The following IL17RA variants were observed in gnomAD, a reference collection of about 807,000 sequenced individuals.
The protein encoded by IL17RA is interleukin 17 receptor A.
In IL17RA, 34 loss-of-function variants were observed where a neutral mutation model predicts 50.4. The ratio of observed to expected loss-of-function variants is 0.67; its 90% confidence interval spans 0.51 to 0.90. The LOEUF (loss-of-function observed/expected upper bound fraction) is 0.90, where lower values mean the gene tolerates loss of function less well. Ranked by LOEUF, IL17RA falls within the 40% of genes least tolerant of loss-of-function variation. The probability of loss-of-function intolerance (pLI) is 0.00; values close to 1 mark genes in which losing one functional copy is unlikely to be tolerated. For synonymous variants in IL17RA, 585 were observed against 510.4 expected, an observed-to-expected ratio of 1.15 and a Z score of -1.97; for missense variants, 1,276 against 1,169.8, an observed-to-expected ratio of 1.09 and a Z score of -1.32.
At position 17,115,468 on chromosome 22, in the gene IL17RA, C is replaced by G. The variant is rs892645139; in HGVS notation, c.*5648C>G. On this transcript the variant is annotated 3_prime_UTR_variant, in exon 13 of 13. Transcript: ENST00000319363. ...GCTCCCAGGAGCTTCCACTCTCAGACCTTGCCTCCCGGGCTGCCCTGAGTG... is the reference window on the plus strand; with the variant it reads ...GCTCCCAGGAGCTTCCACTCTCAGAGCTTGCCTCCCGGGCTGCCCTGAGTG... The G allele has an allele frequency of 5.3e-5, 8 of 152,252 alleles. No individual in the cohort carries two copies. Among genetic ancestry groups the G allele is most frequent in the African/African-American group, 1.2e-4 (5 of 41,470 alleles). The allele number at this position is 152,252 out of a possible 1,614,324, so 9.4% of individuals were successfully genotyped here. A position where few individuals can be genotyped will look rare whatever the true frequency, so the allele number is the denominator to read the frequency against.
intron 1 of IL17RA, among the ~76,000 whole-genome samples, chr22:17,088,275 G>C (rs1036902721): frequency 1.3e-5 from 2 of 152,172 alleles, no homozygotes; most frequent in Non-Finnish European, 2.9e-5. Context: ...CCTTCACCTT[G>C]TGGGTAGAGA....
intron 12 of IL17RA, 48 bp downstream of exon 12, chr22:17,107,816 G>A (rs1157185743): frequency 6.5e-7 from 1 of 1,540,416 alleles, no homozygotes; most frequent in Non-Finnish European, 9.0e-7. Context: ...AAGCAGTGGA[G>A]GGTTCTCCTG....
At chr22:17,094,925 G>T (rs1161309888) in intron 1 of IL17RA, among the ~76,000 whole-genome samples, 1 of 151,038 alleles carries the variant, frequency 6.6e-6, no homozygotes, top group Non-Finnish European at 1.5e-5. Context: ...TAGTTTGATG[G>T]ACATTTAGAT....
rs535114901 is a variant in IL17RA at position 17,100,188 on chromosome 22, A to G, written c.424-167A>G. On this transcript the variant is annotated intron_variant, in intron 4 of 12. Transcript: ENST00000319363. ...AGGCAGAAAGGACCAGAGGAAACAAAAAACAAAGATACTGATTTCCCTGAC... is the reference window on the plus strand; with the variant it reads ...AGGCAGAAAGGACCAGAGGAAACAAGAAACAAAGATACTGATTTCCCTGAC... Among the ~76,000 whole-genome samples, 6 of 151,886 alleles carry G rather than the reference A, an allele frequency of 4.0e-5. No individual in the cohort carries two copies. In the South Asian group the frequency reaches 6.3e-4, roughly 16 times the overall value.
At position 17,112,448 on chromosome 22, in the gene IL17RA, C is replaced by T. The variant is rs1038198029; in HGVS notation, c.*2628C>T. Reference sequence around the variant, plus strand: ...CAGCCCCCCTTAGTCACCACCCCAACCTCCCCATCCCTAGGCACCCCTAGG... The same window carrying T: ...CAGCCCCCCTTAGTCACCACCCCAATCTCCCCATCCCTAGGCACCCCTAGG... On this transcript the variant is annotated 3_prime_UTR_variant, in exon 13 of 13. Transcript: ENST00000319363. 3.3e-5 allele frequency: 5 copies of T among 151,756 alleles called. No individual in the cohort carries two copies. The highest frequency in any genetic ancestry group is 7.4e-5 in the Non-Finnish European group (5 of 68,004). The allele number at this position is 151,756 out of a possible 1,614,324, so 9.4% of individuals were successfully genotyped here.
chr22:17,098,096 C>T (rs2061374880), intron 3 of IL17RA, among the ~76,000 whole-genome samples, 153 bp downstream of exon 3: 1 of 152,200 alleles, frequency 6.6e-6, no homozygotes, highest in African/African-American at 2.4e-5. Context: ...CAGTCAAATA[C>T]TTGTTCAGCA....
chr22:17,102,093 G>A (rs1465844932), intron 6 of IL17RA, 46 bp from the exon 7 acceptor site: 8 of 1,614,114 alleles, frequency 5.0e-6, no homozygotes, highest in Non-Finnish European at 5.9e-6. Context: ...ACATGCACAT[G>A]TGCGTGCCCC....
At chr22:17,091,330 T>A (rs1042562123) in intron 1 of IL17RA, among the ~76,000 whole-genome samples, 1 of 152,204 alleles carries the variant, frequency 6.6e-6, no homozygotes, top group Non-Finnish European at 1.5e-5. Flanking sequence ...TCCCTCAGAA[T>A]TGTGAAAGCA....
At chr22:17,100,506 C>A in intron 5 of IL17RA, 25 bp downstream of exon 5, 1 of 1,613,054 alleles carries the variant, frequency 6.2e-7, no homozygotes, top group Non-Finnish European at 8.5e-7. Context: ...CCAAGACATT[C>A]CCTCCCCAAT....
Position 17,115,682 on chromosome 22 carries a change from A to G in IL17RA, c.*5862A>G, listed in dbSNP as rs1034674757. On this transcript the variant is annotated 3_prime_UTR_variant, in exon 13 of 13. Coordinates refer to ENST00000319363, the MANE Select transcript of IL17RA (RefSeq NM_014339.7). Reference sequence around the variant, plus strand: ...TACCCTTCATGTTAAAATAAAACCAAACAAAAACCCATGGCCTTGTTCTTC... The same window carrying G: ...TACCCTTCATGTTAAAATAAAACCAGACAAAAACCCATGGCCTTGTTCTTC... 3.3e-5 allele frequency: 5 copies of G among 152,254 alleles called. No homozygotes were observed. The highest frequency in any genetic ancestry group is 2.1e-4 in the South Asian group (1 of 4,834). The allele number at this position is 152,254 out of a possible 1,614,324, so 9.4% of individuals were successfully genotyped here.
At chr22:17,103,425 C>A in intron 7 of IL17RA, 69 bp from the exon 8 acceptor site, 1 of 1,263,730 alleles carries the variant, frequency 7.9e-7, no homozygotes, top group Non-Finnish European at 1.1e-6. Context: ...GGCAGTGCCA[C>A]AGCGTGTTCT....
At chr22:17,091,733 T>A (rs2061349051) in intron 1 of IL17RA, among the ~76,000 whole-genome samples, 1 of 152,190 alleles carries the variant, frequency 6.6e-6, no homozygotes, top group South Asian at 2.1e-4. Context: ...GACACTTATT[T>A]TTTTCTCTCT....
chr22:17,100,544 G>A, intron 5 of IL17RA, 63 bp downstream of exon 5: 1 of 1,594,776 alleles, frequency 6.3e-7, no homozygotes, highest in South Asian at 1.1e-5. Flanking sequence ...AGCACCAGGT[G>A]GCACAGATGC....
intron 4 of IL17RA, 139 bp downstream of exon 4, chr22:17,099,026 C>T: frequency 1.3e-6 from 1 of 743,812 alleles, no homozygotes; most frequent in Non-Finnish European, 2.4e-6. Context: ...GAATGGCAGC[C>T]TGAGATGGGC....
intron 5 of IL17RA, among the ~76,000 whole-genome samples, chr22:17,101,256 A>C (rs1164855036): frequency 2.6e-5 from 4 of 152,154 alleles, no homozygotes; most frequent in Non-Finnish European, 4.4e-5. Flanking sequence ...CCATTTTTAT[A>C]ATCTCCAGAA....
chr22:17,097,416 T>G (rs1280444464), intron 2 of IL17RA: 1 of 511,092 alleles, frequency 2.0e-6, no homozygotes, highest in African/African-American at 1.9e-5. Context: ...CTGTTGATTT[T>G]GTTTTGTTTT....
intron 1 of IL17RA, among the ~76,000 whole-genome samples, chr22:17,091,481 CCTGT>C (rs1473063673): frequency 6.6e-6 from 1 of 151,988 alleles, no homozygotes; most frequent in African/African-American, 2.4e-5. Context: ...TTGAGACCAT[CCTGT>C]CTAACGCAGT....
intron 5 of IL17RA, among the ~76,000 whole-genome samples, chr22:17,101,229 A>T (rs2061390106): frequency 6.6e-6 from 1 of 152,182 alleles, no homozygotes; most frequent in Admixed American, 6.5e-5. Context: ...CTTGAAAACA[A>T]AGCCTGGGTC....
rs1372915052 is a variant in IL17RA, at chr22:17,111,719, A to AGTTTGCATGT, written c.*1902_*1911dup. The AGTTTGCATGT allele has an allele frequency of 6.6e-6, 1 of 152,226 alleles. No individual in the cohort carries two copies. Among genetic ancestry groups the AGTTTGCATGT allele is most frequent in the Non-Finnish European group, 1.5e-5 (1 of 68,038 alleles). The allele number at this position is 152,226 out of a possible 1,614,324, so 9.4% of individuals were successfully genotyped here. ...AATGTGACAGGAGAGCAAACAGGACAGTTTGCATGTGTGTGTGCGCACACA... is the reference window on the plus strand; with the variant it reads ...AATGTGACAGGAGAGCAAACAGGACAGTTTGCATGTGTTTGCATGTGTGTGTGCGCACACA... On this transcript the variant is annotated 3_prime_UTR_variant, in exon 13 of 13. Transcript: ENST00000319363.
Sources: gnomAD v4.1 joint callset for allele counts (sites outside exome capture counted in the v4.1 genomes callset) on GRCh38, gnomAD v4.1.1 for gene constraint, MANE v1.5 for transcripts, NCBI Gene and HGNC (gene_info 2026-07-23, HGNC 2026-07-21) for gene names.